FOXN3: variants seen among roughly 807,000 people sequenced by gnomAD.
FOXN3 encodes the protein forkhead box N3.
FOXN3 carries 7 observed loss-of-function variants against 38.4 expected under a neutral mutation model. The ratio of observed to expected loss-of-function variants is 0.18; its 90% CI spans 0.10 to 0.34. FOXN3 has a LOEUF of 0.34. FOXN3 is among the 10% of genes least tolerant of loss of function. The probability of loss-of-function intolerance (pLI) is 1.00; values close to 1 mark genes in which losing one functional copy is unlikely to be tolerated. For synonymous variants in FOXN3, 230 were observed against 242.2 expected, an observed-to-expected ratio of 0.95 and a Z score of 0.47; for missense variants, 456 against 613.4, an observed-to-expected ratio of 0.74 and a Z score of 2.71.
At chr14:89,180,979 GACATGCACAGACACACAC>G (rs1887657449) in intron 4 of FOXN3, among the ~76,000 whole-genome samples, 173 bp from the exon 5 acceptor site, 3 of 148,708 alleles carry the variant, frequency 2.0e-5, no homozygotes, top group Admixed American at 2.0e-4. Context: ...CAGTCACACA[GACATGCACAGACACACAC>G]TCACACAGTC....
intron 1 of FOXN3, among the ~76,000 whole-genome samples, chr14:89,465,103 A>T (rs1046872529): frequency 1.1e-4 from 16 of 152,108 alleles, no homozygotes; most frequent in Non-Finnish European, 2.1e-4. Flanking sequence ...GTGAAGAAGG[A>T]TGTGTTTGCT....
intron 4 of FOXN3, among the ~76,000 whole-genome samples, chr14:89,200,230 C>T (rs1234788797): frequency 2.0e-5 from 3 of 152,144 alleles, no homozygotes; most frequent in East Asian, 3.9e-4. Flanking sequence ...GAAGAATGTA[C>T]GGGCTCTGAG....
intron 5 of FOXN3, among the ~76,000 whole-genome samples, chr14:89,173,029 C>T (rs1887430238): frequency 6.6e-6 from 1 of 152,054 alleles, no homozygotes; most frequent in Non-Finnish European, 1.5e-5. Context: ...AGTGAAAAGA[C>T]CATCCGCAAA....
chr14:89,298,683 A>C (rs1021462520), intron 3 of FOXN3, among the ~76,000 whole-genome samples: 1 of 152,030 alleles, frequency 6.6e-6, no homozygotes, highest in Non-Finnish European at 1.5e-5. Flanking sequence ...CTTTTCTCTC[A>C]CTCATCCATT....
intron 1 of FOXN3, among the ~76,000 whole-genome samples, chr14:89,464,953 C>T (rs1053551762): frequency 5.9e-5 from 9 of 152,184 alleles, no homozygotes; most frequent in Non-Finnish European, 1.2e-4. Context: ...ACCTTGGCCA[C>T]CCAAAGTGCT....
At chr14:89,249,292 T>C (rs1200967386) in intron 4 of FOXN3, among the ~76,000 whole-genome samples, 1 of 152,144 alleles carries the variant, frequency 6.6e-6, no homozygotes, top group Non-Finnish European at 1.5e-5. Flanking sequence ...CTCTTCTCCA[T>C]CCTCCTTTCC....
chr14:89,450,887 C>T (rs1892601341), intron 1 of FOXN3, among the ~76,000 whole-genome samples: 1 of 152,194 alleles, frequency 6.6e-6, no homozygotes, highest in Non-Finnish European at 1.5e-5. Context: ...TCAAGACTTG[C>T]CTGTTAAACT....
intron 1 of FOXN3, among the ~76,000 whole-genome samples, chr14:89,578,901 G>A (rs1342765041): frequency 6.6e-6 from 1 of 152,178 alleles, no homozygotes; most frequent in Non-Finnish European, 1.5e-5. Context: ...AGGCAGGAGT[G>A]CAGTGGCACT....
rs72703605 is a variant in FOXN3 at position 89,382,744 on chromosome 14, T to A, written c.543+29190A>T. Among the ~76,000 whole-genome samples the A allele has an allele frequency of 2.2e-3, 337 of 152,238 alleles. 3 individuals are homozygous for A. The highest frequency in any genetic ancestry group is 0.02 in the Middle Eastern group (6 of 294). On this transcript the variant is annotated intron_variant, in intron 2 of 5. Coordinates refer to ENST00000557258, the MANE Select transcript of FOXN3 (RefSeq NM_005197.4). ...GAACAATCATTGCCACTTTACAGAG[T>A]GTTGAGCTCTTTAGATAACATATGA... is the stretch of plus-strand genomic sequence containing the variant.
At chr14:89,546,747 G>C (rs1215655632) in intron 1 of FOXN3, among the ~76,000 whole-genome samples, 2 of 148,960 alleles carry the variant, frequency 1.3e-5, no homozygotes, top group Non-Finnish European at 3.0e-5. Context: ...ATACACATAT[G>C]CATACACATA....
intron 2 of FOXN3, among the ~76,000 whole-genome samples, chr14:89,359,667 A>G (rs1471359763): frequency 6.6e-6 from 1 of 152,164 alleles, no homozygotes; most frequent in Non-Finnish European, 1.5e-5. Context: ...GCACACTGAG[A>G]GATGCTCCGG....
At position 89,203,852 on chromosome 14, in the gene FOXN3, C is replaced by T. The variant is rs140377857; in HGVS notation, c.746-23046G>A. 3.2e-3 allele frequency among the ~76,000 whole-genome samples: 488 copies of T among 152,234 alleles called. 4 individuals carry two copies. Among genetic ancestry groups the T allele is most frequent in the African/African-American group, 0.011 (468 of 41,528 alleles). On this transcript the variant is annotated intron_variant, in intron 4 of 5. Transcript: ENST00000557258. ...CACCCCACAGAAGGGAAGCTGGTAA[C>T]GAGCCAACAGAGCAGGGACTTCTGC...
intron 1 of FOXN3, among the ~76,000 whole-genome samples, chr14:89,449,611 A>C (rs1464693071): frequency 6.6e-6 from 1 of 152,250 alleles, no homozygotes; most frequent in African/African-American, 2.4e-5. Flanking sequence ...ATTTGAGAAG[A>C]AAATGCCAAG....
At chr14:89,331,958 C>A (rs1888260209) in intron 3 of FOXN3, among the ~76,000 whole-genome samples, 1 of 151,934 alleles carries the variant, frequency 6.6e-6, no homozygotes, top group African/African-American at 2.4e-5. Context: ...TTTTTAATGT[C>A]TGTTTGATAA....
intron 1 of FOXN3, among the ~76,000 whole-genome samples, chr14:89,519,210 C>T (rs990079633): frequency 3.9e-5 from 6 of 152,022 alleles, no homozygotes; most frequent in Non-Finnish European, 5.9e-5. Flanking sequence ...GACTACAAGC[C>T]GGGGAATCCC....
At chr14:89,179,213 G>A (rs760842449) in intron 5 of FOXN3, among the ~76,000 whole-genome samples, 1 of 152,218 alleles carries the variant, frequency 6.6e-6, no homozygotes, top group Non-Finnish European at 1.5e-5. Flanking sequence ...GAAATGATAA[G>A]TGGTTTTATA....
chr14:89,550,463 A>G (rs1421068678), intron 1 of FOXN3, among the ~76,000 whole-genome samples: 3 of 152,212 alleles, frequency 2.0e-5, no homozygotes, highest in Non-Finnish European at 4.4e-5. Context: ...TCATTCTTTC[A>G]TAGGCTGAGG....
intron 4 of FOXN3, among the ~76,000 whole-genome samples, chr14:89,232,199 A>C (rs1314967153): frequency 6.6e-6 from 1 of 152,208 alleles, no homozygotes; most frequent in Non-Finnish European, 1.5e-5. Flanking sequence ...AGAACCCAGA[A>C]GGTTCCTATA....
intron 1 of FOXN3, among the ~76,000 whole-genome samples, chr14:89,534,053 C>T (rs1456791039): frequency 6.6e-6 from 1 of 151,732 alleles, no homozygotes; most frequent in East Asian, 1.9e-4. Context: ...GATGTGCTTC[C>T]CCCCCGCCAC....
Sources: allele counts gnomAD v4.1 joint callset (sites outside exome capture counted in the v4.1 genomes callset), GRCh38; gene constraint gnomAD v4.1.1; transcripts MANE v1.5; gene names NCBI Gene and HGNC (gene_info 2026-07-23, HGNC 2026-07-21).